KCND2: variants seen among roughly 807,000 people sequenced by gnomAD.
The protein encoded by KCND2 is A-type voltage-gated potassium channel KCND2.
Under a neutral mutation model 54.4 loss-of-function variants are expected in KCND2, and 16 were observed. That is an observed-to-expected ratio of 0.29 (90% CI 0.20 to 0.45). The LOEUF is 0.45. Ranked by LOEUF, KCND2 falls within the 20% of genes least tolerant of loss-of-function variation. The pLI is 1.00. For missense variants in KCND2, 486 were observed against 824.2 expected (o/e 0.59, Z 5.02); for synonymous variants, 317 against 310.7 (o/e 1.02, Z -0.21).
At chr7:120,319,654 G>A (rs1415256155) in intron 1 of KCND2, among the ~76,000 whole-genome samples, 2 of 151,984 alleles carry the variant, frequency 1.3e-5, no homozygotes, top group African/African-American at 4.8e-5. Context: ...AAACAACACA[G>A]TAATTTCAAA....
intron 1 of KCND2, among the ~76,000 whole-genome samples, chr7:120,296,943 T>C (rs1031626274): frequency 1.3e-5 from 2 of 152,138 alleles, no homozygotes; most frequent in Admixed American, 6.6e-5. Flanking sequence ...AAAGGAGGCA[T>C]GATAAACACA....
intron 1 of KCND2, among the ~76,000 whole-genome samples, chr7:120,675,904 C>G (rs1174047970): frequency 1.4e-5 from 2 of 143,334 alleles, no homozygotes; most frequent in Non-Finnish European, 3.0e-5. Flanking sequence ...GTCTCCCAGG[C>G]TGGAGTACGG....
chr7:120,533,868 G>A (rs980047678), intron 1 of KCND2, among the ~76,000 whole-genome samples: 3 of 152,078 alleles, frequency 2.0e-5, no homozygotes, highest in African/African-American at 7.2e-5. Context: ...GTCTCCTTTT[G>A]AAAGTGACCA....
At chr7:120,486,196 T>C (rs994346485) in intron 1 of KCND2, among the ~76,000 whole-genome samples, 1 of 152,132 alleles carries the variant, frequency 6.6e-6, no homozygotes, top group Admixed American at 6.6e-5. Context: ...AGGATTGTGA[T>C]AAAATAAATG....
chr7:120,416,806 A>C (rs1052727179), intron 1 of KCND2, among the ~76,000 whole-genome samples: 1 of 151,994 alleles, frequency 6.6e-6, no homozygotes, highest in Admixed American at 6.6e-5. Flanking sequence ...AGTACTTTAA[A>C]AATAATTATA....
rs117440879 is a variant in KCND2, at chr7:120,633,092, A to G, written c.1116-99811A>G. 7.2e-5 allele frequency among the ~76,000 whole-genome samples: 11 copies of G among 152,340 alleles called. No individual in the cohort carries two copies. The East Asian group carries it at 1.9e-3, about 27-fold the overall frequency. On this transcript the variant is annotated intron_variant, in intron 1 of 5. Coordinates refer to ENST00000331113, the MANE Select transcript of KCND2 (RefSeq NM_012281.3). ...AAAGCCCTGAATTATCGCCATTTCA[A>G]ATATTGAGAGAAATGTCTCATTTAC...
At chr7:120,459,974 A>G (rs1227889503) in intron 1 of KCND2, among the ~76,000 whole-genome samples, 1 of 152,152 alleles carries the variant, frequency 6.6e-6, no homozygotes, top group East Asian at 1.9e-4. Flanking sequence ...TTTCTTTTTC[A>G]ATGCCTTCTT....
chr7:120,654,824 A>G (rs1178828630), intron 1 of KCND2, among the ~76,000 whole-genome samples: 1 of 152,170 alleles, frequency 6.6e-6, no homozygotes, highest in Non-Finnish European at 1.5e-5. Flanking sequence ...AAACACAGCT[A>G]TGGATATGGA....
At chr7:120,299,952 G>A (rs1799562829) in intron 1 of KCND2, among the ~76,000 whole-genome samples, 1 of 152,164 alleles carries the variant, frequency 6.6e-6, no homozygotes, top group South Asian at 2.1e-4. Context: ...TTTCTGCCTT[G>A]TTGTAGAAAT....
rs184621358 is a variant in KCND2, at chr7:120,296,858, C to T, written c.1115+21111C>T. ...CAATTAGAATGCTGAAAACACTATG[C>T]TTCTTATCCATTTAGCAATTATTTT... On this transcript the variant is annotated intron_variant, in intron 1 of 5. Transcript: ENST00000331113. Among the ~76,000 whole-genome samples the T allele has an allele frequency of 7.0e-3, 1,061 of 152,104 alleles. 10 individuals are homozygous for T. Among genetic ancestry groups the T allele is most frequent in the Middle Eastern group, 0.048 (14 of 294 alleles).
chr7:120,708,595 T>C (rs528594559), intron 1 of KCND2, among the ~76,000 whole-genome samples: 1 of 152,242 alleles, frequency 6.6e-6, no homozygotes, highest in Admixed American at 6.5e-5. Flanking sequence ...ACATTAATGT[T>C]TCTTGTACAC....
intron 1 of KCND2, among the ~76,000 whole-genome samples, chr7:120,571,293 A>G (rs555884589): frequency 6.6e-6 from 1 of 152,340 alleles, no homozygotes; most frequent in African/African-American, 2.4e-5. Flanking sequence ...AATTAAAGAG[A>G]GAAAAAGATA....
intron 1 of KCND2, among the ~76,000 whole-genome samples, chr7:120,652,508 A>G (rs891472902): frequency 1.6e-4 from 24 of 152,242 alleles, no homozygotes; most frequent in Non-Finnish European, 5.9e-5. Flanking sequence ...ACAATAAAAA[A>G]GGAATAAACA....
At chr7:120,372,325 A>C (rs1430262400) in intron 1 of KCND2, among the ~76,000 whole-genome samples, 1 of 151,840 alleles carries the variant, frequency 6.6e-6, no homozygotes, top group Admixed American at 6.6e-5. Context: ...TTATAGATCT[A>C]GAAGTGGTAT....
chr7:120,423,564 A>G (rs73724203), intron 1 of KCND2, among the ~76,000 whole-genome samples: 3,095 of 152,282 alleles, frequency 0.02, 114 homozygotes, highest in African/African-American at 0.07. Flanking sequence ...GTTTTCTCCC[A>G]TAAAGCTGTG....
rs551303610 is a variant in KCND2 at position 120,602,837 on chromosome 7, A to G, written c.1116-130066A>G. Among the ~76,000 whole-genome samples, 7 of 152,350 alleles carry G rather than the reference A, an allele frequency of 4.6e-5. No individual in the cohort carries two copies. In the South Asian group the frequency reaches 1.4e-3, roughly 32 times the overall value. Reference sequence around the variant, plus strand: ...GAAATAAAGTAGAGAAGATAGCAATAAAGACTCACATACAGAAGCAGTTCG... The same window carrying G: ...GAAATAAAGTAGAGAAGATAGCAATGAAGACTCACATACAGAAGCAGTTCG... On this transcript the variant is annotated intron_variant, in intron 1 of 5. Coordinates refer to ENST00000331113, the MANE Select transcript of KCND2 (RefSeq NM_012281.3).
intron 1 of KCND2, among the ~76,000 whole-genome samples, chr7:120,538,574 CTCT>C (rs2116376264): frequency 6.6e-6 from 1 of 152,260 alleles, no homozygotes; most frequent in Admixed American, 6.5e-5. Flanking sequence ...CTGTTTTGAG[CTCT>C]TGGGGCCACC....
At chr7:120,355,808 A>G (rs538683385) in intron 1 of KCND2, among the ~76,000 whole-genome samples, 2 of 152,196 alleles carry the variant, frequency 1.3e-5, no homozygotes, top group African/African-American at 2.4e-5. Flanking sequence ...AAATTCATGC[A>G]ACAGAAACCA....
In KCND2 at chr7:120,472,949, A is replaced by G. The variant is rs768834743; in HGVS notation, c.1115+197202A>G. The stretch of plus-strand genomic sequence containing the variant: ...TAAAGACTCTGAAACAGAAACTAAA[A>G]TAAAATTCACCTGTCAAAATGTAGA... On this transcript the variant is annotated intron_variant, in intron 1 of 5. Transcript: ENST00000331113. Among the ~76,000 whole-genome samples the G allele has an allele frequency of 3.3e-4, 51 of 152,246 alleles. 1 individual carries two copies. The highest frequency in any genetic ancestry group is 2.3e-3 in the Admixed American group (35 of 15,288).
Sources: allele counts gnomAD v4.1 joint callset (sites outside exome capture counted in the v4.1 genomes callset), GRCh38; gene constraint gnomAD v4.1.1; transcripts MANE v1.5; gene names NCBI Gene and HGNC (gene_info 2026-07-23, HGNC 2026-07-21).